The following MMGT1 variants were observed in gnomAD, a reference collection of about 807,000 sequenced individuals.
MMGT1 encodes ER membrane protein complex subunit 5.
MMGT1 carries 2 observed loss-of-function variants against 11.7 expected under a neutral mutation model. The ratio of observed to expected loss-of-function variants is 0.17; its 90% CI spans 0.07 to 0.54. The LOEUF (loss-of-function observed/expected upper bound fraction) is 0.54, where lower values mean the gene tolerates loss of function less well. Among genes scored for constraint, MMGT1 ranks in the 20% least tolerant of loss-of-function variants. The pLI, the probability that MMGT1 is intolerant of heterozygous loss-of-function variation, is 0.94. For missense variants in MMGT1, 74 were observed against 109.0 expected (o/e 0.68, Z 1.43); for synonymous variants, 49 against 44.4 (o/e 1.10, Z -0.41).
chrX:135,965,049 C>T lies in MMGT1; in HGVS notation c.371G>A (p.Arg124Gln), dbSNP rs2089177852. Residue 124 changes from arginine (R) to glutamine (Q), a missense_variant, in exon 4 of 4, where the codon CGA becomes CAA. By Grantham distance (43) the Arg-to-Gln change is conservative. Around this residue, in one of 2 missense-constraint regions of MMGT1, gnomAD observed 34 missense variants for 29.3 expected, o/e 1.16. Transcript: ENST00000305963. The part of the protein sequence containing the change: ...ALSSNTSLKL[R>Q]KLESLRR ...TTAACGACGCAGTGATTCGAGTTTT[C>T]GTAACTTCAATGATGTGTTAGAGGA... 1 of 1,208,676 alleles carries T rather than the reference C, an allele frequency of 8.3e-7. No individual in the cohort carries two copies. The highest frequency in any genetic ancestry group is 1.1e-6 in the Non-Finnish European group (1 of 893,606).
chrX:135,973,850 G>A lies in MMGT1; in HGVS notation c.-175C>T, dbSNP rs781836747. The A allele has an allele frequency of 2.6e-5, 30 of 1,161,475 alleles. 1 individual carries two copies. The highest frequency in any genetic ancestry group is 5.8e-5 in the South Asian group (3 of 51,902). Reference sequence around the variant, plus strand: ...GTGAGAAAACGGAAACAGGAATGCCGGGAAGAAGCAGAAAGCTACACGGAA... The same window carrying A: ...GTGAGAAAACGGAAACAGGAATGCCAGGAAGAAGCAGAAAGCTACACGGAA... On this transcript the variant is annotated 5_prime_UTR_variant, in exon 1 of 4. Coordinates refer to ENST00000305963, the MANE Select transcript of MMGT1 (RefSeq NM_173470.3).
At position 135,973,954 on chromosome X, in the gene MMGT1, A is replaced by G; in HGVS notation, c.-279T>C. 1.8e-6 allele frequency: 2 copies of G among 1,095,887 alleles called. No individual in the cohort carries two copies. The highest frequency in any genetic ancestry group is 2.4e-6 in the Non-Finnish European group (2 of 829,565). The allele number at this position is 1,095,887 out of a possible 1,213,427, so 90.3% of individuals were successfully genotyped here. On this transcript the variant is annotated 5_prime_UTR_variant, in exon 1 of 4. Coordinates refer to ENST00000305963, the MANE Select transcript of MMGT1 (RefSeq NM_173470.3). ...CGGAGCCCAACGGAGTCATAAACGA[A>G]GAGGCGAAAGCGGGAGCTACGGGGA...
intron 2 of MMGT1, among the ~76,000 whole-genome samples, chrX:135,969,733 A>G (rs1330131158): frequency 2.7e-5 from 3 of 112,598 alleles, no homozygotes; most frequent in Non-Finnish European, 3.7e-5. Context: ...AAGTAATAAA[A>G]AAGTTAATTA....
At chrX:135,968,259 T>C (rs1384920227) in intron 2 of MMGT1, among the ~76,000 whole-genome samples, 2 of 111,700 alleles carry the variant, frequency 1.8e-5, no homozygotes, top group African/African-American at 6.5e-5. Context: ...TCATTCCTAG[T>C]ACCTTTCAAG....
chrX:135,968,871 C>T (rs973732605), intron 2 of MMGT1, among the ~76,000 whole-genome samples: 1 of 111,565 alleles, frequency 9.0e-6, no homozygotes, highest in Non-Finnish European at 1.9e-5. Flanking sequence ...GAAAATACCA[C>T]AATTTATCCA....
intron 2 of MMGT1, among the ~76,000 whole-genome samples, chrX:135,968,459 ATTC>A (rs1233474697): frequency 1.9e-5 from 2 of 107,062 alleles, no homozygotes; most frequent in South Asian, 4.0e-4. Flanking sequence ...ACTCAAATGT[ATTC>A]TTTTGTGTCT....
At position 135,973,634 on chromosome X, in the gene MMGT1, G is replaced by C; in HGVS notation, c.42C>G (p.Leu14=). 1 of 1,167,312 alleles carries C rather than the reference G, an allele frequency of 8.6e-7. No individual in the cohort carries two copies. Among genetic ancestry groups the C allele is most frequent in the Non-Finnish European group, 1.1e-6 (1 of 872,989 alleles). Residue 14 remains leucine (L), a synonymous_variant, in exon 1 of 4, where the codon CTC becomes CTG. Coordinates refer to ENST00000305963, the MANE Select transcript of MMGT1 (RefSeq NM_173470.3). The stretch of plus-strand genomic sequence containing the variant: ...AAAAGGCGGCGTGGGCTAGGGCAAA[G>C]AGACCGATGCCCACCAGCCCCTTCC... ...SLWKGLVGIG[L]FALAHAAFSA...
intron 2 of MMGT1, among the ~76,000 whole-genome samples, chrX:135,970,580 C>G (rs1322638835): frequency 9.0e-6 from 1 of 111,708 alleles, no homozygotes; most frequent in Non-Finnish European, 1.9e-5. Context: ...AATAGAGAAA[C>G]CTTTCCAAAT....
At chrX:135,967,338 A>T in intron 3 of MMGT1, 52 bp downstream of exon 3, 1 of 783,973 alleles carries the variant, frequency 1.3e-6, no homozygotes, top group African/African-American at 2.1e-5. Flanking sequence ...AAATTATGTG[A>T]ATACAGCAAA....
chrX:135,967,722 A>T (rs1189084196), intron 2 of MMGT1, among the ~76,000 whole-genome samples: 2 of 111,962 alleles, frequency 1.8e-5, no homozygotes, highest in African/African-American at 6.5e-5. Flanking sequence ...CTAGTGTTCA[A>T]ATAAGCAAAA....
In MMGT1 at chrX:135,960,960, A is replaced by G. The variant is rs2089151370; in HGVS notation, c.*4064T>C. Among the ~76,000 whole-genome samples the G allele has an allele frequency of 8.9e-6, 1 of 112,254 alleles. No individual in the cohort carries two copies. Among genetic ancestry groups the G allele is most frequent in the South Asian group, 3.6e-4 (1 of 2,754 alleles). On this transcript the variant is annotated 3_prime_UTR_variant, in exon 4 of 4. Coordinates refer to ENST00000305963, the MANE Select transcript of MMGT1 (RefSeq NM_173470.3). Reference sequence around the variant, plus strand: ...CATGATCAGACTTCAAAAGTTTAGTACCCAGTATTGGCATGGGTTTGGTAA... The same window carrying G: ...CATGATCAGACTTCAAAAGTTTAGTGCCCAGTATTGGCATGGGTTTGGTAA...
Position 135,962,379 on chromosome X carries a change from C to T in MMGT1, c.*2645G>A, listed in dbSNP as rs2089160677. 1 of 111,615 alleles carries T rather than the reference C, an allele frequency of 9.0e-6. No homozygotes were observed. Among genetic ancestry groups the T allele is most frequent in the Non-Finnish European group, 1.9e-5 (1 of 53,119 alleles). 9.2% of individuals were successfully genotyped at this position (111,615 alleles called of 1,213,427 possible). ...TCCCTGGTTATTAAGTGAGTCGTTC[C>T]GTATTTTAAAGAGCCTTGATTGGTA... On this transcript the variant is annotated 3_prime_UTR_variant, in exon 4 of 4. Transcript: ENST00000305963.
intron 1 of MMGT1, among the ~76,000 whole-genome samples, chrX:135,971,430 T>C (rs1407274684): frequency 8.9e-6 from 1 of 112,692 alleles, no homozygotes. Flanking sequence ...ATTTTCATCA[T>C]GACCTGCTTT....
chrX:135,970,332 A>G (rs1213163787), intron 2 of MMGT1, among the ~76,000 whole-genome samples: 1 of 111,060 alleles, frequency 9.0e-6, no homozygotes, highest in Non-Finnish European at 1.9e-5. Flanking sequence ...GCGTCACTGC[A>G]TTCCAGCCTG....
At position 135,961,021 on chromosome X, in the gene MMGT1, T is replaced by A. The variant is rs2089151562; in HGVS notation, c.*4003A>T. On this transcript the variant is annotated 3_prime_UTR_variant, in exon 4 of 4. Coordinates refer to ENST00000305963, the MANE Select transcript of MMGT1 (RefSeq NM_173470.3). The stretch of plus-strand genomic sequence containing the variant: ...TCATACATTATATGTGGAAGCATAC[T>A]GGGCAAAGATTTCTAGAGGACAATT... Among the ~76,000 whole-genome samples, 1 of 112,069 alleles carries A rather than the reference T, an allele frequency of 8.9e-6. No homozygotes were observed.
intron 1 of MMGT1, among the ~76,000 whole-genome samples, chrX:135,971,934 G>A (rs1556612635): frequency 8.9e-6 from 1 of 112,266 alleles, no homozygotes; most frequent in African/African-American, 3.2e-5. Flanking sequence ...TGTTAAAATG[G>A]TGGGTGTCTT....
Position 135,969,332 on chromosome X carries a change from A to C in MMGT1, c.132+1726T>G, listed in dbSNP as rs189039147. On this transcript the variant is annotated intron_variant, in intron 2 of 3. Coordinates refer to ENST00000305963, the MANE Select transcript of MMGT1 (RefSeq NM_173470.3). ...CATTCCCACCACCAGTCTACCAAGA[A>C]CACTTGGTTTTTGTTTTTGAGATGG... Among the ~76,000 whole-genome samples the C allele has an allele frequency of 5.7e-4, 64 of 111,564 alleles. 1 individual carries two copies. Among genetic ancestry groups the C allele is most frequent in the African/African-American group, 2.0e-3 (60 of 30,715 alleles).
At chrX:135,965,718 T>A (rs1172921085) in intron 3 of MMGT1, among the ~76,000 whole-genome samples, 2 of 111,789 alleles carry the variant, frequency 1.8e-5, no homozygotes, top group Non-Finnish European at 3.8e-5. Context: ...ATATTTTTTT[T>A]TATCCAGCCA....
intron 1 of MMGT1, among the ~76,000 whole-genome samples, chrX:135,971,578 C>T (rs2089219482): frequency 8.9e-6 from 1 of 112,189 alleles, no homozygotes; most frequent in African/African-American, 3.2e-5. Context: ...CCAAAGAAAT[C>T]ACAATTATTT....
Sources: allele counts gnomAD v4.1 joint callset (sites outside exome capture counted in the v4.1 genomes callset), GRCh38; gene constraint gnomAD v4.1.1; regional missense constraint gnomAD v4.1.1; transcripts MANE v1.5; gene names NCBI Gene and HGNC (gene_info 2026-07-23, HGNC 2026-07-21).